Variants in C1orf21 observed in about 807,000 individuals in gnomAD.
C1orf21 encodes chromosome 1 open reading frame 21, also known as uncharacterized protein C1orf21.
In C1orf21, 3 loss-of-function variants were observed where a neutral mutation model predicts 18.7. The observed-to-expected ratio is 0.16, with a 90% CI of 0.07 to 0.42. The LOEUF (loss-of-function observed/expected upper bound fraction) is 0.42. Among genes scored for constraint, C1orf21 ranks in the 10% least tolerant of loss-of-function variants. The probability of loss-of-function intolerance (pLI) is 0.99; values close to 1 mark genes in which losing one functional copy is unlikely to be tolerated. For missense variants in C1orf21, 104 were observed against 143.6 expected (o/e 0.72, Z 1.41); for synonymous variants, 41 against 46.4 (o/e 0.88, Z 0.47).
At chr1:184,602,855 C>T (rs80192113) in intron 5 of C1orf21, among the ~76,000 whole-genome samples, 4,697 of 152,174 alleles carry the variant, frequency 0.031, 114 homozygotes, top group East Asian at 0.068. Context: ...GATGTAAGAC[C>T]CTAGCTGATG....
intron 1 of C1orf21, among the ~76,000 whole-genome samples, chr1:184,399,852 C>T (rs1416964063): frequency 6.6e-6 from 1 of 152,124 alleles, no homozygotes; most frequent in Non-Finnish European, 1.5e-5. Flanking sequence ...TCTGCATTTC[C>T]TAGCTGGAAT....
At chr1:184,480,445 G>A (rs116250045) in intron 2 of C1orf21, among the ~76,000 whole-genome samples, 346 of 152,194 alleles carry the variant, frequency 2.3e-3, no homozygotes, top group African/African-American at 7.9e-3. Flanking sequence ...TATTCAATAC[G>A]TTGTGCTTAC....
At chr1:184,550,137 A>G (rs552108593) in intron 3 of C1orf21, among the ~76,000 whole-genome samples, 80 of 152,338 alleles carry the variant, frequency 5.3e-4, no homozygotes, top group African/African-American at 1.9e-3. Context: ...GTTGTTATAG[A>G]TATTTTTCCT....
intron 3 of C1orf21, among the ~76,000 whole-genome samples, chr1:184,587,402 A>ATTGT (rs1230501367): frequency 4.7e-5 from 7 of 149,800 alleles, no homozygotes; most frequent in African/African-American, 1.7e-4. Context: ...AACAATATTG[A>ATTGT]TTCTTTCTAT....
intron 3 of C1orf21, among the ~76,000 whole-genome samples, chr1:184,551,310 T>C (rs1005920145): frequency 4.6e-5 from 7 of 152,198 alleles, no homozygotes; most frequent in African/African-American, 1.7e-4. Flanking sequence ...GGGAAGTATT[T>C]TTAAATATAA....
chr1:184,449,773 A>C (rs959256294), intron 1 of C1orf21, among the ~76,000 whole-genome samples: 6 of 152,176 alleles, frequency 3.9e-5, no homozygotes, highest in Non-Finnish European at 8.8e-5. Flanking sequence ...CCCTATGTGT[A>C]ATATATTTAT....
intron 2 of C1orf21, among the ~76,000 whole-genome samples, chr1:184,504,262 A>G (rs1658019586): frequency 6.6e-6 from 1 of 152,170 alleles, no homozygotes; most frequent in Admixed American, 6.5e-5. Context: ...AAAAATTGGG[A>G]ACAGGTGCAA....
intron 1 of C1orf21, among the ~76,000 whole-genome samples, chr1:184,450,346 C>G (rs1657103333): frequency 6.6e-6 from 1 of 152,156 alleles, no homozygotes; most frequent in East Asian, 1.9e-4. Context: ...CCCCTCGCCC[C>G]AATCAGAGGC....
At chr1:184,423,574 A>T (rs1483864143) in intron 1 of C1orf21, among the ~76,000 whole-genome samples, 1 of 152,138 alleles carries the variant, frequency 6.6e-6, no homozygotes, top group Non-Finnish European at 1.5e-5. Flanking sequence ...TGGAGAGAGA[A>T]ATGAGGAAAT....
chr1:184,538,968 T>A (rs1242200537), intron 3 of C1orf21, among the ~76,000 whole-genome samples: 1 of 152,188 alleles, frequency 6.6e-6, no homozygotes, highest in African/African-American at 2.4e-5. Flanking sequence ...CTTTTTTCTT[T>A]ACAGTTTGAA....
rs535165524 is a variant in C1orf21, at chr1:184,628,794, C to T, written c.*9238C>T. The T allele has an allele frequency of 1.3e-5, 2 of 152,506 alleles. No homozygotes were observed. The highest frequency in any genetic ancestry group is 3.9e-4 in the East Asian group (2 of 5,164). The allele number at this position is 152,506 out of a possible 1,614,324, so 9.4% of individuals were successfully genotyped here. On this transcript the variant is annotated 3_prime_UTR_variant, in exon 6 of 6. Transcript: ENST00000235307. ...TCTCTCCTGATTGGAATTCTTTGAACCCTCGAAGTGCTCCAGCAGTACTAC... is the reference window on the plus strand; with the variant it reads ...TCTCTCCTGATTGGAATTCTTTGAATCCTCGAAGTGCTCCAGCAGTACTAC...
intron 3 of C1orf21, among the ~76,000 whole-genome samples, chr1:184,571,019 C>A (rs371903219): frequency 6.6e-6 from 1 of 152,078 alleles, no homozygotes; most frequent in Non-Finnish European, 1.5e-5. Context: ...TAAGGCCGGG[C>A]GCGGTGGCTC....
rs1438736258 is a variant in C1orf21 at position 184,578,887 on chromosome 1, C to A, written c.190-11852C>A. On this transcript the variant is annotated intron_variant, in intron 3 of 5. Transcript: ENST00000235307. ...TAAAAAATAAAAATATAAACTTTCT[C>A]AACATAAGCTCTGTCACGTTTGAGA... Among the ~76,000 whole-genome samples the A allele has an allele frequency of 2.0e-5, 3 of 151,668 alleles. No individual in the cohort carries two copies. The East Asian group carries it at 5.8e-4, about 29-fold the overall frequency.
chr1:184,618,639 C>T (rs180958135), intron 5 of C1orf21, among the ~76,000 whole-genome samples: 5 of 144,300 alleles, frequency 3.5e-5, no homozygotes, highest in Admixed American at 7.0e-5. Flanking sequence ...AGAACATTCC[C>T]CCCCCCCAAG....
chr1:184,411,761 C>G (rs993002821), intron 1 of C1orf21, among the ~76,000 whole-genome samples: 4 of 152,160 alleles, frequency 2.6e-5, no homozygotes, highest in African/African-American at 9.7e-5. Flanking sequence ...ATAAGAGCTT[C>G]TATATGTTCT....
At chr1:184,614,473 A>C (rs1659787784) in intron 5 of C1orf21, among the ~76,000 whole-genome samples, 1 of 151,728 alleles carries the variant, frequency 6.6e-6, no homozygotes. Context: ...TATATGATGA[A>C]TCATACCTGA....
rs1432574704 is a variant in C1orf21 at position 184,621,983 on chromosome 1, A to G, written c.*2427A>G. ...CTTGATTATGTCAGCAACACCCAAC[A>G]CTGTCTGTTTTCCATTTGTTGGTTT... is the stretch of plus-strand genomic sequence containing the variant. On this transcript the variant is annotated 3_prime_UTR_variant, in exon 6 of 6. Coordinates refer to ENST00000235307, the MANE Select transcript of C1orf21 (RefSeq NM_030806.4). The G allele has an allele frequency of 6.6e-6, 1 of 152,192 alleles. No homozygotes were observed. The highest frequency in any genetic ancestry group is 1.5e-5 in the Non-Finnish European group (1 of 68,038). 9.4% of individuals were successfully genotyped at this position (152,192 alleles called of 1,614,324 possible).
intron 1 of C1orf21, among the ~76,000 whole-genome samples, chr1:184,473,179 G>C (rs1165626974): frequency 6.6e-6 from 1 of 152,210 alleles, no homozygotes; most frequent in Non-Finnish European, 1.5e-5. Flanking sequence ...TTAGATTAAA[G>C]AAAAGTCATC....
chr1:184,516,911 C>T (rs543239052), intron 3 of C1orf21, among the ~76,000 whole-genome samples: 1 of 152,334 alleles, frequency 6.6e-6, no homozygotes, highest in East Asian at 1.9e-4. Flanking sequence ...CTCATATGAG[C>T]TCTTTGGAGC....
Sources: allele counts gnomAD v4.1 joint callset (sites outside exome capture counted in the v4.1 genomes callset), GRCh38; gene constraint gnomAD v4.1.1; transcripts MANE v1.5; gene names NCBI Gene and HGNC (gene_info 2026-07-23, HGNC 2026-07-21).